FBN1: variants seen among roughly 807,000 people sequenced by gnomAD.
FBN1 encodes the protein fibrillin 1.
A neutral mutation model predicts 365.1 loss-of-function variants in FBN1; 29 were observed. The observed-to-expected ratio is 0.08, with a 90% confidence interval of 0.06 to 0.11. The LOEUF is 0.11. FBN1 is among the 10% of genes least tolerant of loss of function. The probability of loss-of-function intolerance (pLI) is 1.00; values close to 1 mark genes in which losing one functional copy is unlikely to be tolerated. For missense variants in FBN1, 2,476 were observed against 3,703.2 expected, an observed-to-expected ratio of 0.67 and a Z score of 8.60; for synonymous variants, 1,210 against 1,270.5, an observed-to-expected ratio of 0.95 and a Z score of 1.01.
chr15:48,497,236 A>G, intron 19 of FBN1, 30 bp downstream of exon 19: 2 of 1,613,950 alleles, frequency 1.2e-6, no homozygotes, highest in African/African-American at 1.3e-5. Flanking sequence ...TATGCAGGCA[A>G]TGTTTCAGAA....
intron 6 of FBN1, among the ~76,000 whole-genome samples, chr15:48,558,806 T>C (rs184632352): frequency 6.6e-6 from 1 of 152,348 alleles, no homozygotes; most frequent in Admixed American, 6.5e-5. Flanking sequence ...TTTTGAAGTA[T>C]CGTGGGAGTA....
chr15:48,527,744 G>A (rs2043926339), intron 8 of FBN1, among the ~76,000 whole-genome samples: 1 of 152,204 alleles, frequency 6.6e-6, no homozygotes, highest in Non-Finnish European at 1.5e-5. Flanking sequence ...TCCATGCTAG[G>A]CTAGAGGCTA....
chr15:48,630,202 A>T (rs1889958733), intron 2 of FBN1, among the ~76,000 whole-genome samples: 1 of 152,260 alleles, frequency 6.6e-6, no homozygotes, highest in Admixed American at 6.5e-5. Flanking sequence ...TATGACAAAC[A>T]TAAACCCATC....
At chr15:48,514,882 C>G (rs999149869) in intron 12 of FBN1, among the ~76,000 whole-genome samples, 4 of 152,090 alleles carry the variant, frequency 2.6e-5, no homozygotes, top group African/African-American at 9.7e-5. Flanking sequence ...ATTCCCAGAA[C>G]CTATGGATAT....
In FBN1 at chr15:48,425,768, G is replaced by C. The variant is rs781745172; in HGVS notation, c.7301C>G (p.Thr2434Ser). 24 of 1,613,414 alleles carry C rather than the reference G, an allele frequency of 1.5e-5. No individual in the cohort carries two copies. Among genetic ancestry groups the C allele is most frequent in the Non-Finnish European group, 2.0e-5 (24 of 1,179,456 alleles). ...SYHCICKTGY[T>S]PDITGTSCVD... ...ACAGGAAGTCCCAGTTATATCTGGA[G>C]TGTACCCAGTTTTACAAATGCAATG... is the stretch of plus-strand genomic sequence containing the variant. The change falls in exon 59 of 66, where the codon ACT becomes AGT. Residue 2434 changes from threonine to serine, a missense_variant. This residue lies in a region of FBN1 where 1,780 missense variants were observed against 2,840.8 expected (regional missense o/e 0.63). Transcript: ENST00000316623.
At chr15:48,580,453 T>C (rs1411977636) in intron 6 of FBN1, among the ~76,000 whole-genome samples, 1 of 152,146 alleles carries the variant, frequency 6.6e-6, no homozygotes. Flanking sequence ...TTCAGCCAAG[T>C]ATTATCTTCT....
At chr15:48,547,377 TA>T (rs1181539433) in intron 6 of FBN1, among the ~76,000 whole-genome samples, 1 of 152,150 alleles carries the variant, frequency 6.6e-6, no homozygotes, top group Non-Finnish European at 1.5e-5. Context: ...GCCCCTTTCG[TA>T]AATGACAGGG....
Position 48,566,249 on chromosome 15 carries a change from A to C in FBN1, c.539-28441T>G, listed in dbSNP as rs182727828. Among the ~76,000 whole-genome samples, 94 of 152,338 alleles carry C rather than the reference A, an allele frequency of 6.2e-4. 1 individual carries two copies. Among genetic ancestry groups the C allele is most frequent in the Admixed American group, 5.6e-3 (86 of 15,308 alleles). On this transcript the variant is annotated intron_variant, in intron 6 of 65. Transcript: ENST00000316623. Reference sequence around the variant, plus strand: ...CCCTTTTCATTTGCTTTTAAGCAACAGGGGAAAAAGTTTCAAGTATCTCAG... The same window carrying C: ...CCCTTTTCATTTGCTTTTAAGCAACCGGGGAAAAAGTTTCAAGTATCTCAG...
chr15:48,431,460 T>C (rs1597521292), intron 55 of FBN1, among the ~76,000 whole-genome samples: 1 of 151,962 alleles, frequency 6.6e-6, no homozygotes, highest in Non-Finnish European at 1.5e-5. Flanking sequence ...GTTGACTAAT[T>C]GAACTAAAAG....
At chr15:48,513,448 C>A (rs972855848) in intron 13 of FBN1, 101 bp downstream of exon 13, 68 of 1,554,220 alleles carry the variant, frequency 4.4e-5, no homozygotes, top group Admixed American at 1.0e-4. Context: ...CTGTATTAGT[C>A]TCTTCCGGCA....
At chr15:48,555,774 A>G (rs2044175192) in intron 6 of FBN1, among the ~76,000 whole-genome samples, 2 of 152,226 alleles carry the variant, frequency 1.3e-5, no homozygotes, top group East Asian at 3.8e-4. Context: ...CCTGGGCCAC[A>G]CAACTACACA....
At chr15:48,501,562 C>T (rs1351587557) in intron 17 of FBN1, among the ~76,000 whole-genome samples, 2 of 152,214 alleles carry the variant, frequency 1.3e-5, no homozygotes, top group Non-Finnish European at 2.9e-5. Context: ...TTAAAGAAAT[C>T]TGGTCTTTTG....
intron 63 of FBN1, among the ~76,000 whole-genome samples, chr15:48,419,761 C>CT (rs1366588841): frequency 6.6e-6 from 1 of 152,192 alleles, no homozygotes; most frequent in Non-Finnish European, 1.5e-5. Context: ...AGCAGTAATT[C>CT]TTTGAGTTTT....
At position 48,621,858 on chromosome 15, in the gene FBN1, C is replaced by T. The variant is rs1017771400; in HGVS notation, c.165-8766G>A. ...AAAAAAAAAAAAAAAATTAGCCGGG[C>T]GTGGTGGCGGGCGCCTGTAGTCCCA... On this transcript the variant is annotated intron_variant, in intron 2 of 65. Transcript: ENST00000316623. 2.6e-5 allele frequency among the ~76,000 whole-genome samples: 4 copies of T among 151,050 alleles called. No homozygotes were observed. In the South Asian group the frequency reaches 6.3e-4, roughly 24 times the overall value.
At chr15:48,612,774 A>G (rs1453067937) in intron 3 of FBN1, among the ~76,000 whole-genome samples, 1 of 152,232 alleles carries the variant, frequency 6.6e-6, no homozygotes, top group Non-Finnish European at 1.5e-5. Flanking sequence ...GTAGCCAGGC[A>G]CAACATATGT....
intron 9 of FBN1, among the ~76,000 whole-genome samples, chr15:48,522,014 C>T (rs2043861420): frequency 6.6e-6 from 1 of 152,260 alleles, no homozygotes; most frequent in Non-Finnish European, 1.5e-5. Context: ...CTGAGCCCTG[C>T]CTCTGTCAGA....
chr15:48,559,239 C>G (rs1220030823), intron 6 of FBN1, among the ~76,000 whole-genome samples: 1 of 152,162 alleles, frequency 6.6e-6, no homozygotes, highest in Non-Finnish European at 1.5e-5. Context: ...TTGGCTAGTA[C>G]AGCCTGTTTC....
intron 23 of FBN1, among the ~76,000 whole-genome samples, chr15:48,493,744 A>C (rs566778307): frequency 1.3e-5 from 2 of 152,198 alleles, no homozygotes; most frequent in African/African-American, 4.8e-5. Flanking sequence ...TGTCTATCTG[A>C]AACTCCAGGA....
At position 48,472,620 on chromosome 15, in the gene FBN1, C is replaced by A; in HGVS notation, c.4267G>T (p.Ala1423Ser). The change falls in exon 35 of 66, where the codon GCA (alanine) becomes TCA (serine). Residue 1423 changes from alanine to serine, a missense_variant. This residue lies in a region of FBN1 where 1,780 missense variants were observed against 2,840.8 expected (regional missense o/e 0.63). Transcript: ENST00000316623. ...CATTCACAGCGGTATCCTCCTGGTG[C>A]ATTGAGGCACTGGCCATTGCCACAG... is the stretch of plus-strand genomic sequence containing the variant. ...NLCGNGQCLN[A>S]PGGYRCECDM... 6.2e-7 allele frequency: 1 copy of A among 1,614,212 alleles called. No individual in the cohort carries two copies. Among genetic ancestry groups the A allele is most frequent in the Non-Finnish European group, 8.5e-7 (1 of 1,180,042 alleles).
Sources: gnomAD v4.1 joint callset for allele counts (sites outside exome capture counted in the v4.1 genomes callset) on GRCh38, gnomAD v4.1.1 for gene constraint, gnomAD v4.1.1 regional missense constraint, MANE v1.5 for transcripts, NCBI Gene and HGNC (gene_info 2026-07-23, HGNC 2026-07-21) for gene names.